The following TMEM11 variants were observed in gnomAD, a reference collection of about 807,000 sequenced individuals.
The protein encoded by TMEM11 is transmembrane protein 11, mitochondrial.
A neutral mutation model predicts 17.0 loss-of-function variants in TMEM11; 1 was observed. That is an observed-to-expected ratio of 0.06 (90% confidence interval 0.02 to 0.28). The LOEUF (loss-of-function observed/expected upper bound fraction) is 0.28, where lower values mean the gene tolerates loss of function less well. TMEM11 is among the 10% of genes least tolerant of loss of function. The probability of loss-of-function intolerance (pLI) is 1.00; values close to 1 mark genes in which losing one functional copy is unlikely to be tolerated. For missense variants in TMEM11, 172 were observed against 252.9 expected, an observed-to-expected ratio of 0.68 and a Z score of 2.17; for synonymous variants, 122 against 118.1, an observed-to-expected ratio of 1.03 and a Z score of -0.21.
intron 1 of TMEM11, 116 bp downstream of exon 1, chr17:21,213,975 G>T (rs995906328): frequency 9.7e-6 from 10 of 1,033,948 alleles, no homozygotes; most frequent in Admixed American, 5.0e-5. Flanking sequence ...CCCGGCGAGG[G>T]TAGGGGGAGC....
intron 1 of TMEM11, among the ~76,000 whole-genome samples, chr17:21,202,147 T>G (rs1179158697): frequency 6.6e-6 from 1 of 152,166 alleles, no homozygotes; most frequent in East Asian, 1.9e-4. Flanking sequence ...GAGAACTCCC[T>G]TCTGGTCTCA....
At chr17:21,200,682 G>A (rs1175791362) in intron 1 of TMEM11, among the ~76,000 whole-genome samples, 1 of 152,226 alleles carries the variant, frequency 6.6e-6, no homozygotes, top group Non-Finnish European at 1.5e-5. Context: ...AAGGGTCAAT[G>A]TGGCCCATGT....
intron 1 of TMEM11, among the ~76,000 whole-genome samples, chr17:21,207,449 A>G (rs1366494299): frequency 6.6e-6 from 1 of 151,548 alleles, no homozygotes. Context: ...AATCGCTTGA[A>G]CCCCGGAGGC....
In TMEM11 at chr17:21,204,765, G is replaced by C. The variant is rs187811819; in HGVS notation, c.63-5925C>G. 1.8e-3 allele frequency among the ~76,000 whole-genome samples: 277 copies of C among 152,168 alleles called. 2 individuals carry two copies. Among genetic ancestry groups the C allele is most frequent in the Non-Finnish European group, 3.2e-3 (216 of 67,976 alleles). ...GTACTTAAAGATCACTGTCGGAAGTGGGTCTTAACATATGGAAGAAGAAAA... is the reference window on the plus strand; with the variant it reads ...GTACTTAAAGATCACTGTCGGAAGTCGGTCTTAACATATGGAAGAAGAAAA... On this transcript the variant is annotated intron_variant, in intron 1 of 1. Coordinates refer to ENST00000317635, the MANE Select transcript of TMEM11 (RefSeq NM_003876.3).
At chr17:21,200,848 G>A (rs1193587663) in intron 1 of TMEM11, among the ~76,000 whole-genome samples, 4 of 152,244 alleles carry the variant, frequency 2.6e-5, no homozygotes, top group African/African-American at 7.2e-5. Flanking sequence ...ATGGGGAGCT[G>A]AGCCACCTGG....
chr17:21,200,296 G>A (rs1200141214), intron 1 of TMEM11, among the ~76,000 whole-genome samples: 1 of 152,230 alleles, frequency 6.6e-6, no homozygotes, highest in Non-Finnish European at 1.5e-5. Context: ...TCCATGCCTT[G>A]TCATCTTTCC....
chr17:21,206,047 TG>T (rs35584579), intron 1 of TMEM11, among the ~76,000 whole-genome samples: 68,006 of 148,976 alleles, frequency 0.46, 16,858 homozygotes, highest in African/African-American at 0.67. Flanking sequence ...CTGCTTTTTT[TG>T]GGGGGGGGGT....
At chr17:21,203,491 C>T (rs1232768083) in intron 1 of TMEM11, among the ~76,000 whole-genome samples, 2 of 122,490 alleles carry the variant, frequency 1.6e-5, no homozygotes, top group African/African-American at 5.3e-5. Flanking sequence ...CAAAGGTGTG[C>T]AGATCACTTG....
chr17:21,206,813 C>T lies in TMEM11; in HGVS notation c.62+7278G>A, dbSNP rs924018552. Reference sequence around the variant, plus strand: ...GGAATTACAGGCATGAGCCACCATGCCTGGCCTGATTTGTATTTTTTAATG... The same window carrying T: ...GGAATTACAGGCATGAGCCACCATGTCTGGCCTGATTTGTATTTTTTAATG... On this transcript the variant is annotated intron_variant, in intron 1 of 1. Transcript: ENST00000317635. 9.9e-5 allele frequency among the ~76,000 whole-genome samples: 15 copies of T among 152,106 alleles called. 1 individual carries two copies. The highest frequency in any genetic ancestry group is 8.5e-4 in the Admixed American group (13 of 15,248).
chr17:21,211,531 T>C (rs993499381), intron 1 of TMEM11, among the ~76,000 whole-genome samples: 2 of 152,260 alleles, frequency 1.3e-5, no homozygotes, highest in African/African-American at 2.4e-5. Context: ...TCAGCACTAA[T>C]TCTAGAGCTG....
Position 21,198,044 on chromosome 17 carries a change from A to T in TMEM11, c.*280T>A. On this transcript the variant is annotated 3_prime_UTR_variant, in exon 2 of 2. Transcript: ENST00000317635. This position sits in a 1 kb window ranked among gnomAD's most constrained non-coding sequence, Gnocchi z 6.5. Reference sequence around the variant, plus strand: ...TAGACTTAAAGACCTCCCCCAAAGCACGTCCACACCCCCTCGGCAGCGTCT... The same window carrying T: ...TAGACTTAAAGACCTCCCCCAAAGCTCGTCCACACCCCCTCGGCAGCGTCT... 2.6e-6 allele frequency: 1 copy of T among 388,896 alleles called. No individual in the cohort carries two copies. The highest frequency in any genetic ancestry group is 4.6e-6 in the Non-Finnish European group (1 of 215,758). 24.1% of individuals were successfully genotyped at this position (388,896 alleles called of 1,614,324 possible). A position where few individuals can be genotyped will look rare whatever the true frequency, so the allele number is the denominator to read the frequency against.
chr17:21,210,410 C>T (rs747575976), intron 1 of TMEM11, among the ~76,000 whole-genome samples: 3 of 152,154 alleles, frequency 2.0e-5, no homozygotes, highest in Non-Finnish European at 2.9e-5. Context: ...GTGCAGATCC[C>T]GTATCTGCTC....
intron 1 of TMEM11, chr17:21,213,248 G>T (rs1396515761): frequency 6.6e-6 from 1 of 152,214 alleles, no homozygotes; most frequent in Non-Finnish European, 1.5e-5. Context: ...TAATCCAGGT[G>T]GCTCCACCAA....
Position 21,198,285 on chromosome 17 carries a change from G to A in TMEM11, c.*39C>T. On this transcript the variant is annotated 3_prime_UTR_variant, in exon 2 of 2. Coordinates refer to ENST00000317635, the MANE Select transcript of TMEM11 (RefSeq NM_003876.3). This position sits in a 1 kb window ranked among gnomAD's most constrained non-coding sequence, Gnocchi z 6.5. Reference sequence around the variant, plus strand: ...ATCTGAATACTCTGTTGTCTCTTGTGGGCCGGGTGGTTTTGCTTCGCTCCC... The same window carrying A: ...ATCTGAATACTCTGTTGTCTCTTGTAGGCCGGGTGGTTTTGCTTCGCTCCC... 6.3e-7 allele frequency: 1 copy of A among 1,580,672 alleles called. No individual in the cohort carries two copies. The highest frequency in any genetic ancestry group is 8.6e-7 in the Non-Finnish European group (1 of 1,159,434).
In TMEM11 at chr17:21,198,882, C is replaced by T; in HGVS notation, c.63-42G>A. On this transcript the variant is annotated intron_variant, in intron 1 of 1. Transcript: ENST00000317635. The surrounding 1 kb of genome is among the most constrained non-coding windows in gnomAD (Gnocchi z 6.5). The stretch of plus-strand genomic sequence containing the variant: ...CAGGAAAGGGAGAGAGAGAGAGAGA[C>T]AGGATGATTAGGCTGAGGAGCACTT... 1 of 1,557,214 alleles carries T rather than the reference C, an allele frequency of 6.4e-7. No individual in the cohort carries two copies. Among genetic ancestry groups the T allele is most frequent in the East Asian group, 2.3e-5 (1 of 44,336 alleles).
In TMEM11 at chr17:21,198,270, T is replaced by C; in HGVS notation, c.*54A>G. The stretch of plus-strand genomic sequence containing the variant: ...TCACAGAGTGTGGCGATCTGAATAC[T>C]CTGTTGTCTCTTGTGGGCCGGGTGG... On this transcript the variant is annotated 3_prime_UTR_variant, in exon 2 of 2. Transcript: ENST00000317635. The surrounding 1 kb of genome is among the most constrained non-coding windows in gnomAD (Gnocchi z 6.5). The C allele has an allele frequency of 5.8e-6, 9 of 1,565,202 alleles. No homozygotes were observed. Among genetic ancestry groups the C allele is most frequent in the Non-Finnish European group, 7.8e-6 (9 of 1,151,640 alleles).
rs552526422 is a variant in TMEM11, at chr17:21,198,053, C to T, written c.*271G>A. 2 of 430,192 alleles carry T rather than the reference C, an allele frequency of 4.6e-6. No homozygotes were observed. Among genetic ancestry groups the T allele is most frequent in the Admixed American group, 3.9e-5 (1 of 25,450 alleles). The allele number at this position is 430,192 out of a possible 1,614,324, so 26.6% of individuals were successfully genotyped here. A position where few individuals can be genotyped will look rare whatever the true frequency, so the allele number is the denominator to read the frequency against. On this transcript the variant is annotated 3_prime_UTR_variant, in exon 2 of 2. Coordinates refer to ENST00000317635, the MANE Select transcript of TMEM11 (RefSeq NM_003876.3). This position sits in a 1 kb window ranked among gnomAD's most constrained non-coding sequence, Gnocchi z 6.5. ...AGACCTCCCCCAAAGCACGTCCACA[C>T]CCCCTCGGCAGCGTCTGCCTCCATC...
At chr17:21,208,947 G>C (rs1974973617) in intron 1 of TMEM11, among the ~76,000 whole-genome samples, 1 of 152,224 alleles carries the variant, frequency 6.6e-6, no homozygotes, top group South Asian at 2.1e-4. Flanking sequence ...AGGGTCACTT[G>C]ATCACCTATG....
rs1597767273 is a variant in TMEM11 at position 21,198,242 on chromosome 17, G to A, written c.*82C>T. The A allele has an allele frequency of 6.7e-7, 1 of 1,496,620 alleles. No individual in the cohort carries two copies. The highest frequency in any genetic ancestry group is 9.0e-7 in the Non-Finnish European group (1 of 1,107,944). The allele number at this position is 1,496,620 out of a possible 1,614,324, so 92.7% of individuals were successfully genotyped here. ...GCCAAACACCTGCCCAGGCTCTGCTGCCTCACAGAGTGTGGCGATCTGAAT... is the reference window on the plus strand; with the variant it reads ...GCCAAACACCTGCCCAGGCTCTGCTACCTCACAGAGTGTGGCGATCTGAAT... On this transcript the variant is annotated 3_prime_UTR_variant, in exon 2 of 2. Transcript: ENST00000317635. This position sits in a 1 kb window ranked among gnomAD's most constrained non-coding sequence, Gnocchi z 6.5.
Sources: gnomAD v4.1 joint callset for allele counts (sites outside exome capture counted in the v4.1 genomes callset) on GRCh38, gnomAD v4.1.1 for gene constraint, Gnocchi (gnomAD v3.1) non-coding constraint, MANE v1.5 for transcripts, NCBI Gene and HGNC (gene_info 2026-07-23, HGNC 2026-07-21) for gene names.